GRIA4: variants seen among roughly 807,000 people sequenced by gnomAD.
The protein encoded by GRIA4 is glutamate ionotropic receptor AMPA type subunit 4.
In GRIA4, 34 loss-of-function variants were observed where a neutral mutation model predicts 104.0. That is an observed-to-expected ratio of 0.33 (90% CI 0.25 to 0.44). The LOEUF (loss-of-function observed/expected upper bound fraction) is 0.44, where lower values mean the gene tolerates loss of function less well. GRIA4 is among the 20% of genes least tolerant of loss of function. The pLI is 1.00. For missense variants in GRIA4, 750 were observed against 1,096.5 expected (o/e 0.68, Z 4.46); for synonymous variants, 386 against 381.9 (o/e 1.01, Z -0.13).
intron 3 of GRIA4, among the ~76,000 whole-genome samples, chr11:105,733,371 T>C (rs1938724023): frequency 6.6e-6 from 1 of 152,206 alleles, no homozygotes; most frequent in African/African-American, 2.4e-5. Context: ...TTCTACATAA[T>C]ATGGAATTGT....
At chr11:105,956,752 C>T (rs1245155237) in intron 14 of GRIA4, among the ~76,000 whole-genome samples, 5 of 152,208 alleles carry the variant, frequency 3.3e-5, no homozygotes, top group Admixed American at 6.5e-5. Flanking sequence ...TATTTCTCCA[C>T]ATCCTCTCCA....
At position 105,770,539 on chromosome 11, in the gene GRIA4, C is replaced by T. The variant is rs1473142432; in HGVS notation, c.487+17319C>T. On this transcript the variant is annotated intron_variant, in intron 4 of 16. Transcript: ENST00000282499. ...TTTCAATATATGGTTTAAGAATATC[C>T]TCCCATTTAACATTAGTTTTAAATA... is the stretch of plus-strand genomic sequence containing the variant. 2.0e-5 allele frequency among the ~76,000 whole-genome samples: 3 copies of T among 151,924 alleles called. No homozygotes were observed. The East Asian group carries it at 5.8e-4, about 29-fold the overall frequency.
At chr11:105,894,103 A>C (rs946340667) in intron 6 of GRIA4, among the ~76,000 whole-genome samples, 3 of 152,202 alleles carry the variant, frequency 2.0e-5, no homozygotes, top group African/African-American at 7.2e-5. Context: ...TAGCATTCTC[A>C]TTCTCATTTT....
chr11:105,623,627 A>T (rs1315278065), intron 3 of GRIA4, among the ~76,000 whole-genome samples: 2 of 151,976 alleles, frequency 1.3e-5, no homozygotes, highest in Non-Finnish European at 2.9e-5. Context: ...TTATTTGCCT[A>T]ACTAGAGTTT....
chr11:105,887,610 C>T (rs369138751), intron 6 of GRIA4, 38 bp downstream of exon 6: 69 of 886,470 alleles, frequency 7.8e-5, no homozygotes, highest in Non-Finnish European at 1.3e-4. Context: ...ATAAGAATTG[C>T]TCAAGCACAC....
intron 4 of GRIA4, among the ~76,000 whole-genome samples, chr11:105,805,519 A>AT (rs1942917913): frequency 6.6e-6 from 1 of 151,184 alleles, no homozygotes; most frequent in Non-Finnish European, 1.5e-5. Context: ...AGAAAAACCC[A>AT]TATCAGAAGC....
chr11:105,676,813 G>GA (rs35519294), intron 3 of GRIA4, among the ~76,000 whole-genome samples: 147,586 of 151,764 alleles, frequency 0.97, 71,865 homozygotes, highest in Non-Finnish European at 1. Flanking sequence ...GGTAGCTCTA[G>GA]AAAGGGAAAT....
intron 4 of GRIA4, among the ~76,000 whole-genome samples, chr11:105,790,464 G>A (rs924111624): frequency 6.6e-6 from 1 of 152,046 alleles, no homozygotes; most frequent in Non-Finnish European, 1.5e-5. Flanking sequence ...GAGCTTAGTT[G>A]TCTTCTCCCA....
intron 9 of GRIA4, 148 bp from the exon 10 acceptor site, chr11:105,910,287 C>T: frequency 1.7e-6 from 1 of 604,860 alleles, no homozygotes; most frequent in Non-Finnish European, 2.9e-6. Context: ...AAGAACACTT[C>T]TGAACACTTT....
chr11:105,698,240 TA>T (rs1466211815), intron 3 of GRIA4, among the ~76,000 whole-genome samples: 4 of 152,192 alleles, frequency 2.6e-5, no homozygotes, highest in Non-Finnish European at 4.4e-5. Context: ...ATTAAATGTC[TA>T]TAACGGAAAA....
At chr11:105,792,919 C>T (rs1449592160) in intron 4 of GRIA4, among the ~76,000 whole-genome samples, 9 of 150,698 alleles carry the variant, frequency 6.0e-5, no homozygotes, top group Admixed American at 6.0e-4. Context: ...ACATACAAGA[C>T]AGGCTGCATA....
At chr11:105,800,516 T>A (rs950899702) in intron 4 of GRIA4, among the ~76,000 whole-genome samples, 1 of 152,020 alleles carries the variant, frequency 6.6e-6, no homozygotes, top group Non-Finnish European at 1.5e-5. Flanking sequence ...AAATTTAAAT[T>A]AGGGGACAAG....
chr11:105,676,675 C>G (rs1394895427), intron 3 of GRIA4, among the ~76,000 whole-genome samples: 1 of 151,702 alleles, frequency 6.6e-6, no homozygotes, highest in Non-Finnish European at 1.5e-5. Context: ...AGCATTCTCT[C>G]TCATGTGATA....
chr11:105,697,733 T>G (rs560369270), intron 3 of GRIA4, among the ~76,000 whole-genome samples: 1 of 152,258 alleles, frequency 6.6e-6, no homozygotes, highest in African/African-American at 2.4e-5. Context: ...GGAGGGGTGG[T>G]GCAATTGTGA....
intron 4 of GRIA4, among the ~76,000 whole-genome samples, chr11:105,792,686 G>A (rs916230047): frequency 3.3e-5 from 5 of 151,848 alleles, no homozygotes; most frequent in East Asian, 1.9e-4. Context: ...AAGGAATGGC[G>A]GTTATACATA....
intron 3 of GRIA4, among the ~76,000 whole-genome samples, chr11:105,634,348 G>A (rs1228528697): frequency 6.3e-5 from 8 of 127,340 alleles, no homozygotes; most frequent in African/African-American, 1.2e-4. Context: ...GAGAGTCTCC[G>A]TCTCCAAAAA....
chr11:105,668,983 C>A (rs1464747343), intron 3 of GRIA4, among the ~76,000 whole-genome samples: 1 of 151,930 alleles, frequency 6.6e-6, no homozygotes, highest in East Asian at 1.9e-4. Flanking sequence ...CCAGACATCA[C>A]AATGTTCAAA....
intron 3 of GRIA4, among the ~76,000 whole-genome samples, chr11:105,686,762 C>G (rs1952895560): frequency 6.6e-6 from 1 of 152,104 alleles, no homozygotes; most frequent in Non-Finnish European, 1.5e-5. Flanking sequence ...TTAGTAATAG[C>G]CATTGTGACT....
intron 13 of GRIA4, among the ~76,000 whole-genome samples, chr11:105,932,589 G>A (rs1453976683): frequency 6.6e-6 from 1 of 152,158 alleles, no homozygotes; most frequent in Non-Finnish European, 1.5e-5. Context: ...TGAGAGTAAT[G>A]TATTAATAGA....
Sources: allele counts gnomAD v4.1 joint callset (sites outside exome capture counted in the v4.1 genomes callset), GRCh38; gene constraint gnomAD v4.1.1; transcripts MANE v1.5; gene names NCBI Gene and HGNC (gene_info 2026-07-23, HGNC 2026-07-21).